The following TUSC3 variants were observed in gnomAD, a reference collection of about 807,000 sequenced individuals.
TUSC3 encodes dolichyl-diphosphooligosaccharide--protein glycosyltransferase subunit TUSC3.
A neutral mutation model predicts 44.8 loss-of-function variants in TUSC3; 45 were observed. The ratio of observed to expected loss-of-function variants is 1.00; its 90% confidence interval spans 0.79 to 1.29. TUSC3 has a LOEUF of 1.29. Ranked by LOEUF, TUSC3 falls within the 50% of genes most tolerant of loss-of-function variation. The probability of loss-of-function intolerance (pLI) is 0.00; values close to 1 mark genes in which losing one functional copy is unlikely to be tolerated. For missense variants in TUSC3, 519 were observed against 437.9 expected, an observed-to-expected ratio of 1.19 and a Z score of -1.65; for synonymous variants, 212 against 152.9, an observed-to-expected ratio of 1.39 and a Z score of -2.85.
intron 1 of TUSC3, among the ~76,000 whole-genome samples, chr8:15,620,350 G>T (rs1015444759): frequency 1.3e-5 from 2 of 152,094 alleles, no homozygotes; most frequent in South Asian, 2.1e-4. Flanking sequence ...TTGTTTAAAA[G>T]ATTTTTTCCA....
chr8:15,690,892 G>C (rs531721147), intron 6 of TUSC3, among the ~76,000 whole-genome samples: 1 of 151,780 alleles, frequency 6.6e-6, no homozygotes, highest in East Asian at 1.9e-4. Flanking sequence ...ATGGTGTTGT[G>C]GTTACTGTAG....
At chr8:15,484,901 G>C (rs1477014048) in intron 2 of TUSC3, among the ~76,000 whole-genome samples, 1 of 152,106 alleles carries the variant, frequency 6.6e-6, no homozygotes, top group Non-Finnish European at 1.5e-5. Flanking sequence ...ATTTAAAACA[G>C]GAAATTGAGA....
the TUSC3 span, among the ~76,000 whole-genome samples, chr8:15,817,628 G>A: frequency 0.027 from 4,175 of 152,226 alleles, 197 homozygotes; most frequent in African/African-American, 0.095. Flanking sequence ...ACTTCTTGCT[G>A]CCATCATGTG....
At chr8:15,427,222 G>GT (rs144939606) in intron 1 of TUSC3, among the ~76,000 whole-genome samples, 93,471 of 132,156 alleles carry the variant, frequency 0.71, 32,729 homozygotes, top group Non-Finnish European at 0.8. Flanking sequence ...GGTGCAGAAG[G>GT]TTTTTCCTTT....
At chr8:15,759,067 T>C (rs1812057113) in intron 10 of TUSC3, among the ~76,000 whole-genome samples, 3 of 152,268 alleles carry the variant, frequency 2.0e-5, no homozygotes, top group South Asian at 2.1e-4. Context: ...AGCATTCTCA[T>C]AGAACACATG....
chr8:15,526,063 C>G (rs911657357), intron 2 of TUSC3, among the ~76,000 whole-genome samples: 1 of 151,808 alleles, frequency 6.6e-6, no homozygotes, highest in Non-Finnish European at 1.5e-5. Flanking sequence ...GACAGGGTCT[C>G]CCTTTGTCGT....
At chr8:15,785,988 A>T in the TUSC3 span, among the ~76,000 whole-genome samples, 2 of 152,238 alleles carry the variant, frequency 1.3e-5, no homozygotes, top group Non-Finnish European at 2.9e-5. Flanking sequence ...AATTTAACTT[A>T]AATAGGAATT....
chr8:15,419,873 A>T (rs971517474), intron 1 of TUSC3, among the ~76,000 whole-genome samples: 5 of 152,150 alleles, frequency 3.3e-5, no homozygotes, highest in African/African-American at 4.8e-5. Context: ...TATTGAGAAC[A>T]TCTGTATTTT....
the TUSC3 span, among the ~76,000 whole-genome samples, chr8:15,844,683 C>G: frequency 6.6e-6 from 1 of 152,140 alleles, no homozygotes; most frequent in Admixed American, 6.6e-5. Flanking sequence ...CCTGCTGGTC[C>G]TAGGACAGTC....
intron 2 of TUSC3, among the ~76,000 whole-genome samples, chr8:15,487,730 C>G (rs530024639): frequency 4.6e-5 from 7 of 152,138 alleles, no homozygotes; most frequent in African/African-American, 1.2e-4. Flanking sequence ...TATTTGCAAA[C>G]GAAACATCCA....
chr8:15,822,887 C>A, the TUSC3 span, among the ~76,000 whole-genome samples: 1 of 152,130 alleles, frequency 6.6e-6, no homozygotes, highest in Non-Finnish European at 1.5e-5. Context: ...GATTTGGGGG[C>A]AAAAGCTTGT....
chr8:15,631,600 A>G (rs1027646787), intron 2 of TUSC3, among the ~76,000 whole-genome samples: 1 of 152,032 alleles, frequency 6.6e-6, no homozygotes, highest in East Asian at 1.9e-4. Flanking sequence ...AAAACTACCT[A>G]TGAGTTACAT....
chr8:15,491,674 G>A (rs909531986), intron 2 of TUSC3, among the ~76,000 whole-genome samples: 5 of 152,118 alleles, frequency 3.3e-5, no homozygotes, highest in Non-Finnish European at 7.4e-5. Flanking sequence ...TGATTTACAA[G>A]GAAGAGGCTG....
At chr8:15,494,458 C>T (rs1346984807) in intron 2 of TUSC3, among the ~76,000 whole-genome samples, 3 of 151,978 alleles carry the variant, frequency 2.0e-5, no homozygotes, top group Non-Finnish European at 4.4e-5. Context: ...GCTGGGACTA[C>T]AGGCGCATGC....
intron 2 of TUSC3, among the ~76,000 whole-genome samples, chr8:15,516,906 G>T (rs1179177077): frequency 1.3e-5 from 2 of 152,056 alleles, no homozygotes; most frequent in African/African-American, 4.8e-5. Flanking sequence ...GTAATTTTAA[G>T]GAGTGAGATT....
chr8:15,663,648 A>AT (rs1286918851), intron 5 of TUSC3, among the ~76,000 whole-genome samples: 1 of 151,888 alleles, frequency 6.6e-6, no homozygotes, highest in Non-Finnish European at 1.5e-5. Flanking sequence ...GGAAGATAAG[A>AT]TTTTTTTAAA....
chr8:15,470,486 A>G (rs1319980668), intron 1 of TUSC3, among the ~76,000 whole-genome samples: 3 of 152,212 alleles, frequency 2.0e-5, no homozygotes, highest in African/African-American at 7.2e-5. Flanking sequence ...CTCATGGATT[A>G]TAACATATGT....
In TUSC3 at chr8:15,518,314, A is replaced by G. The variant is rs1044598209; in HGVS notation, n.189+34831A>G. Among the ~76,000 whole-genome samples the G allele has an allele frequency of 2.1e-4, 32 of 152,114 alleles. 1 individual carries two copies. Among genetic ancestry groups the G allele is most frequent in the African/African-American group, 7.5e-4 (31 of 41,438 alleles). On this transcript the variant is annotated intron_variant and non_coding_transcript_variant, in intron 2 of 5. Transcript: ENST00000503191. ...TAATTTGCTGGCTCTTTTATTTGCT[A>G]TAATCTCAAATTATACATGTTACAG...
At chr8:15,578,304 G>A (rs369721925) in intron 1 of TUSC3, among the ~76,000 whole-genome samples, 3 of 122,874 alleles carry the variant, frequency 2.4e-5, no homozygotes, top group African/African-American at 9.7e-5. Flanking sequence ...AATACCCTTT[G>A]TTTCCTTCTC....
Sources: allele counts gnomAD v4.1 joint callset (sites outside exome capture counted in the v4.1 genomes callset), GRCh38; gene constraint gnomAD v4.1.1; transcripts MANE v1.5; gene names NCBI Gene and HGNC (gene_info 2026-07-23, HGNC 2026-07-21).